AKAP9: variants seen among roughly 807,000 people sequenced by gnomAD.
AKAP9 encodes the protein A-kinase anchor protein 9.
A neutral mutation model predicts 488.5 loss-of-function variants in AKAP9; 311 were observed. That is an observed-to-expected ratio of 0.64 (90% CI 0.58 to 0.70). AKAP9 has a LOEUF of 0.70. AKAP9 is among the 30% of genes least tolerant of loss of function. The probability of loss-of-function intolerance (pLI) is 0.00; values close to 1 mark genes in which losing one functional copy is unlikely to be tolerated. For missense variants in AKAP9, 4,215 were observed against 4,374.5 expected, an observed-to-expected ratio of 0.96 and a Z score of 1.03; for synonymous variants, 1,462 against 1,483.5, an observed-to-expected ratio of 0.99 and a Z score of 0.33.
intron 3 of AKAP9, among the ~76,000 whole-genome samples, chr7:91,988,388 T>C (rs954381040): frequency 4.1e-5 from 6 of 146,848 alleles, no homozygotes; most frequent in Non-Finnish European, 7.4e-5. Flanking sequence ...GAGGATCCCA[T>C]GCACCCAGGA....
At chr7:92,080,187 C>T in intron 31 of AKAP9, 35 bp downstream of exon 31, 1 of 1,442,280 alleles carries the variant, frequency 6.9e-7, no homozygotes, top group Non-Finnish European at 9.4e-7. Context: ...CATTTAAATA[C>T]CCCAAGAAAC....
At chr7:92,009,093 A>G (rs1800338218) in intron 8 of AKAP9, among the ~76,000 whole-genome samples, 1 of 152,056 alleles carries the variant, frequency 6.6e-6, no homozygotes, top group Non-Finnish European at 1.5e-5. Flanking sequence ...CTGAGACAGG[A>G]GGAGTGCTTG....
chr7:91,980,232 G>A (rs2130588319), intron 2 of AKAP9, 57 bp from the exon 3 acceptor site: 5 of 1,067,326 alleles, frequency 4.7e-6, no homozygotes, highest in South Asian at 1.4e-5. Context: ...GTTTAGTAAA[G>A]TATGATATTT....
chr7:92,108,309 GC>G (rs945208469), intron 48 of AKAP9, among the ~76,000 whole-genome samples, 184 bp from the exon 49 acceptor site: 2 of 152,180 alleles, frequency 1.3e-5, no homozygotes, highest in African/African-American at 4.8e-5. Context: ...TGACTTAGTA[GC>G]ATCTTTGAAT....
chr7:92,070,464 C>T (rs552631749), intron 27 of AKAP9, among the ~76,000 whole-genome samples: 15 of 151,378 alleles, frequency 9.9e-5, no homozygotes, highest in Non-Finnish European at 1.9e-4. Flanking sequence ...GACATAGTTT[C>T]GCTCTTCTTG....
intron 21 of AKAP9, among the ~76,000 whole-genome samples, chr7:92,051,917 A>G (rs1055579662): frequency 3.9e-5 from 6 of 152,236 alleles, no homozygotes; most frequent in Non-Finnish European, 8.8e-5. Context: ...TGAATAGCCT[A>G]TGCTTTTATT....
At chr7:91,990,661 A>G (rs1181755525) in intron 3 of AKAP9, among the ~76,000 whole-genome samples, 1 of 152,200 alleles carries the variant, frequency 6.6e-6, no homozygotes, top group Non-Finnish European at 1.5e-5. Flanking sequence ...AAACATAATT[A>G]TTATAAAATG....
intron 1 of AKAP9, among the ~76,000 whole-genome samples, chr7:91,959,825 T>G (rs1793511262): frequency 6.6e-6 from 1 of 152,230 alleles, no homozygotes; most frequent in Non-Finnish European, 1.5e-5. Flanking sequence ...CCTGATTCCC[T>G]CAGGCCTGTT....
rs1304799923 is a variant in AKAP9, at chr7:92,076,845, G to A, written c.6613-10G>A. 3.6e-6 allele frequency: 5 copies of A among 1,385,158 alleles called. No individual in the cohort carries two copies. The highest frequency in any genetic ancestry group is 1.5e-5 in the African/African-American group (1 of 68,746). The allele number at this position is 1,385,158 out of a possible 1,614,324, so 85.8% of individuals were successfully genotyped here. On this transcript the variant is annotated splice_polypyrimidine_tract_variant and intron_variant, in intron 28 of 49. Coordinates refer to ENST00000356239, the MANE Select transcript of AKAP9 (RefSeq NM_005751.5). ...ACATTTTTTCTCTTTTGATAATTTT[G>A]TTATTAAAGATTACAAACTTAGAAG...
chr7:92,003,579 T>C (rs1443257902), intron 8 of AKAP9, among the ~76,000 whole-genome samples: 2 of 152,256 alleles, frequency 1.3e-5, no homozygotes, highest in South Asian at 2.1e-4. Context: ...TTTGTTATAA[T>C]CTCAAAGATT....
rs79949539 is a variant in AKAP9 at position 92,022,069 on chromosome 7, T to A, written c.3838-169T>A. On this transcript the variant is annotated intron_variant, in intron 12 of 49. Transcript: ENST00000356239. Reference sequence around the variant, plus strand: ...GAAAGGTATGGAATATTAATTACTGTTACAGAAGAGAACAGGGAATAACTT... The same window carrying A: ...GAAAGGTATGGAATATTAATTACTGATACAGAAGAGAACAGGGAATAACTT... 0.014 allele frequency among the ~76,000 whole-genome samples: 2,190 copies of A among 152,314 alleles called. 45 individuals are homozygous for A. Among genetic ancestry groups the A allele is most frequent in the African/African-American group, 0.05 (2,084 of 41,568 alleles).
At chr7:91,992,248 G>A in intron 4 of AKAP9, 37 bp downstream of exon 4, 2 of 1,456,522 alleles carry the variant, frequency 1.4e-6, no homozygotes, top group South Asian at 1.1e-5. Flanking sequence ...ACTAATGTTG[G>A]ATACTATTTA....
At chr7:92,014,604 G>A (rs1801249515) in intron 10 of AKAP9, among the ~76,000 whole-genome samples, 1 of 152,076 alleles carries the variant, frequency 6.6e-6, no homozygotes, top group South Asian at 2.1e-4. Context: ...ACTCCAGCCT[G>A]GGTAACAGAG....
chr7:91,948,458 G>A (rs536659829), intron 1 of AKAP9, among the ~76,000 whole-genome samples: 1 of 151,174 alleles, frequency 6.6e-6, no homozygotes, highest in South Asian at 2.1e-4. Context: ...TGTTTTTTTT[G>A]TTTGTTTGTT....
rs371536340 is a variant in AKAP9, at chr7:92,089,464, A to G, written c.9293A>G (p.His3098Arg). The stretch of plus-strand genomic sequence containing the variant: ...TTGTTATCTGAAATTCAGGCACTGC[A>G]TGCACAAATGAATGGTAGGAAAATT... The part of the protein sequence containing the change: ...RSLLSEIQAL[H>R]AQMNGRKITL... The change falls in exon 38 of 50, where the codon CAT (histidine) becomes CGT (arginine). Residue 3098 changes from histidine to arginine, a missense_variant. His to Arg is a conservative substitution (Grantham distance 29). Around this residue, in one of 5 missense-constraint regions of AKAP9, gnomAD observed 1,476 missense variants for 1,477.4 expected, o/e 1.00. Transcript: ENST00000356239. 1.7e-5 allele frequency: 27 copies of G among 1,613,142 alleles called. No individual in the cohort carries two copies. Among genetic ancestry groups the G allele is most frequent in the Non-Finnish European group, 2.0e-5 (24 of 1,179,746 alleles).
intron 20 of AKAP9, among the ~76,000 whole-genome samples, chr7:92,043,792 A>G (rs1005499827): frequency 6.6e-6 from 1 of 152,214 alleles, no homozygotes; most frequent in Non-Finnish European, 1.5e-5. Context: ...GTCTTAAAAT[A>G]GATATGTCAT....
intron 1 of AKAP9, among the ~76,000 whole-genome samples, chr7:91,965,917 A>G (rs1188087279): frequency 6.6e-6 from 1 of 152,046 alleles, no homozygotes; most frequent in Non-Finnish European, 1.5e-5. Context: ...AACTTCTTGT[A>G]TATTCTGGTT....
chr7:92,102,473 T>C (rs540117014), intron 45 of AKAP9, 121 bp from the exon 46 acceptor site: 1 of 705,100 alleles, frequency 1.4e-6, no homozygotes, highest in Non-Finnish European at 2.5e-6. Context: ...CTACTACTAC[T>C]ACTACTACTA....
chr7:91,995,929 A>G (rs1308072972), intron 7 of AKAP9, 129 bp downstream of exon 7: 8 of 704,036 alleles, frequency 1.1e-5, no homozygotes, highest in South Asian at 1.8e-5. Flanking sequence ...TGTGTAATTT[A>G]TTTCAAAAGC....
Sources: gnomAD v4.1 joint callset for allele counts (sites outside exome capture counted in the v4.1 genomes callset) on GRCh38, gnomAD v4.1.1 for gene constraint, gnomAD v4.1.1 regional missense constraint, MANE v1.5 for transcripts, NCBI Gene and HGNC (gene_info 2026-07-23, HGNC 2026-07-21) for gene names.